GLIS3: variants seen among roughly 807,000 people sequenced by gnomAD.
GLIS3 encodes zinc finger protein GLIS3.
In GLIS3, 53 loss-of-function variants were observed where a neutral mutation model predicts 78.6. The observed-to-expected ratio is 0.67, with a 90% CI of 0.54 to 0.85. The LOEUF (loss-of-function observed/expected upper bound fraction) is 0.85, where lower values mean the gene tolerates loss of function less well. GLIS3 is among the 40% of genes least tolerant of loss of function. GLIS3 has a pLI of 0.00. For synonymous variants in GLIS3, 684 were observed against 509.9 expected (o/e 1.34, Z -4.60); for missense variants, 1,703 against 1,231.1 (o/e 1.38, Z -5.74).
chr9:4,397,150 C>A, the GLIS3 span, among the ~76,000 whole-genome samples: 3 of 140,518 alleles, frequency 2.1e-5, no homozygotes, highest in Non-Finnish European at 3.1e-5. Context: ...CTCAGCCTCC[C>A]GAGTAGCTGG....
intron 9 of GLIS3, among the ~76,000 whole-genome samples, chr9:3,848,456 C>T (rs377103748): frequency 1.3e-5 from 2 of 152,174 alleles, no homozygotes; most frequent in Non-Finnish European, 2.9e-5. Flanking sequence ...GAGCCGAGAT[C>T]GCCCCACTGC....
In GLIS3 at chr9:3,876,634, CAGAGAG is replaced by C. The variant is rs149679158; in HGVS notation, c.2297+2787_2297+2792del. ...CAGGAAAACAAAGAATCACCAAAGTCAGAGAGAGAGAGAGAGAGAGAGAAAGAGAGA... is the reference window on the plus strand; with the variant it reads ...CAGGAAAACAAAGAATCACCAAAGTCAGAGAGAGAGAGAGAGAAAGAGAGA... On this transcript the variant is annotated intron_variant, in intron 8 of 10. Coordinates refer to ENST00000381971, the MANE Select transcript of GLIS3 (RefSeq NM_001042413.2). Among the ~76,000 whole-genome samples the C allele has an allele frequency of 3.2e-4, 5 of 15,722 alleles. No homozygotes were observed. The East Asian group carries it at 3.6e-3, about 11-fold the overall frequency. 10.3% of individuals were successfully genotyped at this position (15,722 alleles called of 152,430 possible).
chr9:4,351,981 T>C (rs984385159), upstream of GLIS3, among the ~76,000 whole-genome samples: 2 of 152,226 alleles, frequency 1.3e-5, no homozygotes, highest in African/African-American at 2.4e-5. Flanking sequence ...AGAGGGTTAA[T>C]AGCTGCTCTT....
intron 1 of GLIS3, among the ~76,000 whole-genome samples, chr9:4,292,536 G>C (rs569412381): frequency 6.6e-6 from 1 of 152,244 alleles, no homozygotes; most frequent in South Asian, 2.1e-4. Context: ...AATATAGCTA[G>C]AATGAAGAAC....
At chr9:3,956,339 C>T (rs975327544) in intron 4 of GLIS3, among the ~76,000 whole-genome samples, 1 of 152,174 alleles carries the variant, frequency 6.6e-6, no homozygotes. Flanking sequence ...TAAAATGTTA[C>T]AACCAACCGC....
chr9:4,079,305 C>G (rs1172202080), intron 4 of GLIS3, among the ~76,000 whole-genome samples: 1 of 152,098 alleles, frequency 6.6e-6, no homozygotes, highest in Non-Finnish European at 1.5e-5. Context: ...GATTGAAGCC[C>G]AAAGAGTCTC....
chr9:4,055,133 A>C (rs1826040439), intron 4 of GLIS3, among the ~76,000 whole-genome samples: 1 of 152,194 alleles, frequency 6.6e-6, no homozygotes, highest in Non-Finnish European at 1.5e-5. Flanking sequence ...TTACTTCTGC[A>C]TCCTGAACCA....
chr9:3,887,567 C>T (rs947967215), intron 7 of GLIS3, among the ~76,000 whole-genome samples: 6 of 152,162 alleles, frequency 3.9e-5, no homozygotes, highest in Admixed American at 3.3e-4. Context: ...CCATGAGCTC[C>T]AAACTTCTGC....
intron 7 of GLIS3, among the ~76,000 whole-genome samples, chr9:3,892,568 G>A: frequency 6.6e-6 from 1 of 152,058 alleles, no homozygotes; most frequent in African/African-American, 2.4e-5. Context: ...ATTCATTAAT[G>A]TCCCTTAATT....
chr9:3,871,936 G>A (rs1275941405), intron 8 of GLIS3, among the ~76,000 whole-genome samples: 3 of 152,152 alleles, frequency 2.0e-5, no homozygotes, highest in African/African-American at 7.2e-5. Context: ...AAACTTCTAT[G>A]CTCTGTTTCC....
intron 2 of GLIS3, among the ~76,000 whole-genome samples, chr9:4,161,991 C>T (rs1345111132): frequency 6.6e-6 from 1 of 151,958 alleles, no homozygotes; most frequent in Non-Finnish European, 1.5e-5. Context: ...CAGGCTGAGG[C>T]TAGAATTCTG....
At chr9:4,241,307 T>C (rs1163283375) in intron 2 of GLIS3, among the ~76,000 whole-genome samples, 1 of 152,166 alleles carries the variant, frequency 6.6e-6, no homozygotes, top group Non-Finnish European at 1.5e-5. Context: ...AGACTTGTAT[T>C]TTATGTTTTA....
At chr9:4,008,405 A>C (rs1163631509) in intron 4 of GLIS3, among the ~76,000 whole-genome samples, 2 of 152,158 alleles carry the variant, frequency 1.3e-5, no homozygotes, top group Non-Finnish European at 2.9e-5. Flanking sequence ...ATTCTGCACC[A>C]AAGTGAAGAG....
chr9:4,209,902 C>T lies in GLIS3; in HGVS notation c.388+76136G>A, dbSNP rs142088791. Among the ~76,000 whole-genome samples, 466 of 152,216 alleles carry T rather than the reference C, an allele frequency of 3.1e-3. 2 individuals carry two copies. The highest frequency in any genetic ancestry group is 0.011 in the African/African-American group (449 of 41,484). On this transcript the variant is annotated intron_variant, in intron 2 of 10. Transcript: ENST00000381971. ...GAACCACTGCTCCAGGCCAAGACTG[C>T]AAAGAGGATCTGTGTACAAACACAA...
chr9:3,945,286 T>C (rs557945310), intron 4 of GLIS3, among the ~76,000 whole-genome samples: 1 of 152,236 alleles, frequency 6.6e-6, no homozygotes, highest in South Asian at 2.1e-4. Context: ...AATACTTCTA[T>C]GAAATATAAA....
intron 4 of GLIS3, among the ~76,000 whole-genome samples, chr9:3,948,253 G>A (rs1445521526): frequency 2.0e-5 from 3 of 152,114 alleles, no homozygotes; most frequent in Non-Finnish European, 2.9e-5. Context: ...CATTCTTTCC[G>A]CTTGCTCTTC....
intron 3 of GLIS3, among the ~76,000 whole-genome samples, chr9:4,310,087 G>C (rs1461211854): frequency 6.6e-6 from 1 of 151,888 alleles, no homozygotes; most frequent in African/African-American, 2.4e-5. Context: ...TTTTAAGTCT[G>C]GATTTCCATA....
the GLIS3 span, among the ~76,000 whole-genome samples, chr9:4,470,081 A>G: frequency 6.6e-6 from 1 of 152,246 alleles, no homozygotes; most frequent in East Asian, 1.9e-4. Context: ...GAATAGACCA[A>G]TAACAGGCTC....
chr9:4,137,308 T>C (rs989316102), intron 2 of GLIS3, among the ~76,000 whole-genome samples: 2 of 152,142 alleles, frequency 1.3e-5, no homozygotes, highest in Non-Finnish European at 2.9e-5. Flanking sequence ...TCCTACCACC[T>C]TGTCTTCAGG....
Sources: allele counts gnomAD v4.1 joint callset (sites outside exome capture counted in the v4.1 genomes callset), GRCh38; gene constraint gnomAD v4.1.1; transcripts MANE v1.5; gene names NCBI Gene and HGNC (gene_info 2026-07-23, HGNC 2026-07-21).